The following WDFY4 variants were observed in gnomAD, a reference collection of about 807,000 sequenced individuals.
The protein encoded by WDFY4 is WD repeat- and FYVE domain-containing protein 4.
Under a neutral mutation model 351.9 loss-of-function variants are expected in WDFY4, and 169 were observed. That is an observed-to-expected ratio of 0.48 (90% CI 0.42 to 0.55). The LOEUF is 0.55. Among genes scored for constraint, WDFY4 ranks in the 20% least tolerant of loss-of-function variants. The pLI is 0.00. For synonymous variants in WDFY4, 1,622 were observed against 1,574.6 expected, an observed-to-expected ratio of 1.03 and a Z score of -0.71; for missense variants, 3,803 against 3,935.6, an observed-to-expected ratio of 0.97 and a Z score of 0.90.
intron 12 of WDFY4, chr10:48,745,924 A>T (rs1206230482): frequency 8.5e-6 from 2 of 236,518 alleles, no homozygotes; most frequent in Non-Finnish European, 1.7e-5. Flanking sequence ...CCAGGAAATA[A>T]CAGGGGCCTC....
chr10:48,837,694 G>C (rs2068451338), intron 39 of WDFY4, among the ~76,000 whole-genome samples: 2 of 152,198 alleles, frequency 1.3e-5, no homozygotes, highest in Non-Finnish European at 2.9e-5. Flanking sequence ...ATTCCACAGA[G>C]AGTGGAGAAA....
At chr10:48,855,373 T>C (rs1331875548) in intron 39 of WDFY4, among the ~76,000 whole-genome samples, 1 of 152,116 alleles carries the variant, frequency 6.6e-6, no homozygotes, top group Non-Finnish European at 1.5e-5. Flanking sequence ...CATAAATTAG[T>C]TTTCCATATA....
rs746263077 is a variant in WDFY4 at position 48,969,262 on chromosome 10, A to G, written c.8769+14A>G. 2 of 1,550,516 alleles carry G rather than the reference A, an allele frequency of 1.3e-6. No individual in the cohort carries two copies. Among genetic ancestry groups the G allele is most frequent in the South Asian group, 2.4e-5 (2 of 84,036 alleles). Reference sequence around the variant, plus strand: ...GGCTCCGACAAGGTGAGGGGGCTGCAGGGAGCAGGGGCAGCCTCAGGACCT... The same window carrying G: ...GGCTCCGACAAGGTGAGGGGGCTGCGGGGAGCAGGGGCAGCCTCAGGACCT... On this transcript the variant is annotated intron_variant, in intron 56 of 61. Coordinates refer to ENST00000325239, the MANE Select transcript of WDFY4 (RefSeq NM_001394531.1).
chr10:48,893,280 C>A (rs1485907265), intron 44 of WDFY4, among the ~76,000 whole-genome samples: 3 of 152,220 alleles, frequency 2.0e-5, no homozygotes, highest in Non-Finnish European at 4.4e-5. Flanking sequence ...TTGGACCCAT[C>A]CCAATGGCTT....
intron 40 of WDFY4, among the ~76,000 whole-genome samples, chr10:48,868,022 G>A (rs1181754811): frequency 2.0e-5 from 3 of 152,128 alleles, no homozygotes; most frequent in Non-Finnish European, 2.9e-5. Flanking sequence ...CTCAATGATA[G>A]GATGTTCTAC....
At position 48,774,593 on chromosome 10, in the gene WDFY4, A is replaced by C. The variant is rs200635264; in HGVS notation, c.2689A>C (p.Ser897Arg). 153 of 1,551,592 alleles carry C rather than the reference A, an allele frequency of 9.9e-5. No individual in the cohort carries two copies. Among genetic ancestry groups the C allele is most frequent in the Admixed American group, 2.7e-4 (14 of 50,990 alleles). Residue 897 changes from serine (S) to arginine (R), a missense_variant, in exon 14 of 62, where the codon AGT becomes CGT. By Grantham distance (110) the Ser-to-Arg change is moderately radical (BLOSUM62 -1). Around this residue, in one of 3 missense-constraint regions of WDFY4, gnomAD observed 3,054 missense variants for 3,148.6 expected, o/e 0.97. Transcript: ENST00000325239. ...CTCCTGCCACAGGGCCCTGGTCACC[A>C]GTGGCAGCCCCCTCCACTCACGCCT... The part of the protein sequence containing the change: ...MASCHRALVT[S>R]GSPLHSRLIR...
At chr10:48,771,395 C>A (rs1395477363) in intron 13 of WDFY4, among the ~76,000 whole-genome samples, 2 of 152,282 alleles carry the variant, frequency 1.3e-5, no homozygotes, top group East Asian at 3.9e-4. Context: ...GTGCTCTTGG[C>A]AATTTCCATC....
intron 1 of WDFY4, among the ~76,000 whole-genome samples, chr10:48,694,387 C>T (rs973205561): frequency 6.6e-6 from 1 of 152,128 alleles, no homozygotes; most frequent in African/African-American, 2.4e-5. Flanking sequence ...CTAACCTGCC[C>T]ACTGGGTAGC....
Position 48,807,866 on chromosome 10 carries a change from C to A in WDFY4, c.4746C>A (p.Ser1582Arg). ...CTGAATTCTTTTTTGTAGCTGGAAGCCAAACATCTGGAAAGACAATCTGGC... is the reference window on the plus strand; with the variant it reads ...CTGAATTCTTTTTTGTAGCTGGAAGACAAACATCTGGAAAGACAATCTGGC... ...GALDPSLPAG[S>R]QTSGKTIWLR... is the part of the protein sequence containing the mutation. Residue 1582 changes from serine to arginine, a missense_variant, in exon 28 of 62, where the codon AGC (serine) becomes AGA (arginine). Physicochemically the swap from Ser to Arg is moderately radical, Grantham distance 110. Coordinates refer to ENST00000325239, the MANE Select transcript of WDFY4 (RefSeq NM_001394531.1). 1 of 1,551,508 alleles carries A rather than the reference C, an allele frequency of 6.4e-7. No homozygotes were observed. The highest frequency in any genetic ancestry group is 8.7e-7 in the Non-Finnish European group (1 of 1,146,940).
intron 19 of WDFY4, among the ~76,000 whole-genome samples, chr10:48,780,892 G>A (rs1037618622): frequency 6.6e-5 from 10 of 152,198 alleles, no homozygotes; most frequent in African/African-American, 2.4e-4. Flanking sequence ...GAATCTCTCT[G>A]GGTCAGGTAA....
At chr10:48,761,123 G>A (rs1286795306) in intron 13 of WDFY4, among the ~76,000 whole-genome samples, 1 of 152,180 alleles carries the variant, frequency 6.6e-6, no homozygotes, top group African/African-American at 2.4e-5. Context: ...TGTAAGCAGA[G>A]ACCTGAAGGG....
At position 48,777,558 on chromosome 10, in the gene WDFY4, C is replaced by T. The variant is rs1565186439; in HGVS notation, c.3175+63C>T. On this transcript the variant is annotated intron_variant, in intron 17 of 61. Coordinates refer to ENST00000325239, the MANE Select transcript of WDFY4 (RefSeq NM_001394531.1). Reference sequence around the variant, plus strand: ...TTCCAAAGTATGAGTCTTCAGATAGCCTTGATTGCAGATTTTTACTTGGTG... The same window carrying T: ...TTCCAAAGTATGAGTCTTCAGATAGTCTTGATTGCAGATTTTTACTTGGTG... 4 of 1,438,330 alleles carry T rather than the reference C, an allele frequency of 2.8e-6. No homozygotes were observed. The Admixed American group carries it at 5.9e-5, about 21-fold the overall frequency. The allele number at this position is 1,438,330 out of a possible 1,614,324, so 89.1% of individuals were successfully genotyped here.
At chr10:48,939,536 AAAGCC>A (rs1840637133) in intron 47 of WDFY4, among the ~76,000 whole-genome samples, 1 of 152,218 alleles carries the variant, frequency 6.6e-6, no homozygotes, top group Admixed American at 6.5e-5. Flanking sequence ...AGCACATTAG[AAAGCC>A]AAGAGCCATT....
chr10:48,897,933 G>A (rs1837168318), intron 45 of WDFY4, among the ~76,000 whole-genome samples: 1 of 152,212 alleles, frequency 6.6e-6, no homozygotes, highest in African/African-American at 2.4e-5. Flanking sequence ...CTGATAACTG[G>A]GAGTAGAGTG....
intron 57 of WDFY4, among the ~76,000 whole-genome samples, chr10:48,974,155 T>C (rs1842449287): frequency 2.0e-5 from 3 of 152,204 alleles, no homozygotes; most frequent in Admixed American, 1.3e-4. Context: ...TTGCTGCTAC[T>C]GAGCCTGCTG....
intron 53 of WDFY4, 142 bp downstream of exon 53, chr10:48,959,955 C>G: frequency 1.3e-6 from 1 of 762,928 alleles, no homozygotes; most frequent in East Asian, 2.8e-5. Context: ...GGGATGGGGT[C>G]TATACCTTAG....
At chr10:48,778,513 G>A in intron 17 of WDFY4, 98 bp from the exon 18 acceptor site, 1 of 1,218,670 alleles carries the variant, frequency 8.2e-7, no homozygotes. Context: ...CACCCAGTAG[G>A]TGCTGCACCT....
chr10:48,722,831 C>T (rs1475411468), intron 4 of WDFY4, among the ~76,000 whole-genome samples: 2 of 152,260 alleles, frequency 1.3e-5, no homozygotes, highest in Non-Finnish European at 2.9e-5. Flanking sequence ...TCCATCTCTG[C>T]AGAGTTCCTG....
intron 43 of WDFY4, among the ~76,000 whole-genome samples, chr10:48,880,206 T>C (rs1313009675): frequency 6.6e-6 from 1 of 152,258 alleles, no homozygotes; most frequent in East Asian, 1.9e-4. Flanking sequence ...TAGGCTGAAG[T>C]TTATGGTCAG....
Sources: gnomAD v4.1 joint callset for allele counts (sites outside exome capture counted in the v4.1 genomes callset) on GRCh38, gnomAD v4.1.1 for gene constraint, gnomAD v4.1.1 regional missense constraint, MANE v1.5 for transcripts, NCBI Gene and HGNC (gene_info 2026-07-23, HGNC 2026-07-21) for gene names.